Variants in OR5F1 observed in about 807,000 individuals in gnomAD.
OR5F1 encodes the protein olfactory receptor 5F1.
For synonymous variants in OR5F1, 185 were observed against 153.2 expected, an observed-to-expected ratio of 1.21 and a Z score of -1.53; for missense variants, 429 against 369.9, an observed-to-expected ratio of 1.16 and a Z score of -1.31.
rs771273747 is a variant in OR5F1 at position 55,994,208 on chromosome 11, C to G, written c.418G>C (p.Val140Leu). 1 of 1,613,792 alleles carries G rather than the reference C, an allele frequency of 6.2e-7. No individual in the cohort carries two copies. Among genetic ancestry groups the G allele is most frequent in the Non-Finnish European group, 8.5e-7 (1 of 1,179,982 alleles). ...LLYSLIMSRT[V>L]YLKMAAGAFA... ...GCCCCGGCTGCCATTTTTAGGTAGACGGTCCTGGACATGATCAAGGAGTAA... is the reference window on the plus strand; with the variant it reads ...GCCCCGGCTGCCATTTTTAGGTAGAGGGTCCTGGACATGATCAAGGAGTAA... Residue 140 changes from valine to leucine, a missense_variant, in exon 1 of 1, where the codon GTC becomes CTC. Transcript: ENST00000278409.
Position 55,994,122 on chromosome 11 carries a change from G to T in OR5F1, c.504C>A (p.Phe168Leu), listed in dbSNP as rs1208676850. 7 of 1,614,062 alleles carry T rather than the reference G, an allele frequency of 4.3e-6. No homozygotes were observed. Among genetic ancestry groups the T allele is most frequent in the Non-Finnish European group, 5.9e-6 (7 of 1,179,990 alleles). Reference protein sequence around the residue: ...VNTSHVSSLSFCDSNVIHHFF... With the variant: ...VNTSHVSSLSLCDSNVIHHFF... ...AGTGATGGATGACATTGGAGTCACAGAATGACAAGCTGCTGACATGGCTTG... is the reference window on the plus strand; with the variant it reads ...AGTGATGGATGACATTGGAGTCACATAATGACAAGCTGCTGACATGGCTTG... Residue 168 changes from phenylalanine (F) to leucine (L), a missense_variant, in exon 1 of 1, where the codon TTC becomes TTA. By Grantham distance (22) the Phe-to-Leu change is conservative. Transcript: ENST00000278409.
At position 55,993,953 on chromosome 11, in the gene OR5F1, T is replaced by C; in HGVS notation, c.673A>G (p.Ile225Val). 3 of 1,613,404 alleles carry C rather than the reference T, an allele frequency of 1.9e-6. No individual in the cohort carries two copies. The highest frequency in any genetic ancestry group is 2.2e-5 in the South Asian group (2 of 91,056). ...LSSYSYVLFS[I>V]FSMHSGEGRH... ...CCCTCCCCCGAATGCATAGAAAAAA[T>C]GGAGAAGAGAACGTAGGAGTAGGAG... Residue 225 changes from isoleucine (I) to valine (V), a missense_variant, in exon 1 of 1, where the codon ATT (isoleucine) becomes GTT (valine). By Grantham distance (29) the Ile-to-Val change is conservative. Coordinates refer to ENST00000278409, the MANE Select transcript of OR5F1 (RefSeq NM_003697.1).
In OR5F1 at chr11:55,994,275, T is replaced by C. The variant is rs144924365; in HGVS notation, c.351A>G (p.Leu117=). Reference sequence around the variant, plus strand: ...TGGCCGCATACCTGTCATAGGCCATTAACCCAAAGAGGATGCATTCGGTTG... The same window carrying C: ...TGGCCGCATACCTGTCATAGGCCATCAACCCAAAGAGGATGCATTCGGTTG... ...LATTECILFG[L]MAYDRYAAIC... is the part of the protein sequence containing the mutation. Residue 117 remains leucine, a synonymous_variant, in exon 1 of 1, where the codon TTA becomes TTG. Coordinates refer to ENST00000278409, the MANE Select transcript of OR5F1 (RefSeq NM_003697.1). 43 of 1,613,884 alleles carry C rather than the reference T, an allele frequency of 2.7e-5. No individual in the cohort carries two copies. In the African/African-American group the frequency reaches 4.3e-4, roughly 16 times the overall value.
Position 55,994,186 on chromosome 11 carries a change from C to G in OR5F1, c.440G>C (p.Gly147Ala), listed in dbSNP as rs950127511. 1.9e-6 allele frequency: 3 copies of G among 1,613,860 alleles called. No individual in the cohort carries two copies. The highest frequency in any genetic ancestry group is 3.3e-5 in the Admixed American group (2 of 59,960). The part of the protein sequence containing the change: ...SRTVYLKMAA[G>A]AFAAGLLNFM... ...GTTCAGCAACCCTGCAGCAAAAGCC[C>G]CGGCTGCCATTTTTAGGTAGACGGT... The change falls in exon 1 of 1, where the codon GGG becomes GCG. Residue 147 changes from glycine to alanine, a missense_variant. Coordinates refer to ENST00000278409, the MANE Select transcript of OR5F1 (RefSeq NM_003697.1).
At position 55,994,092 on chromosome 11, in the gene OR5F1, G is replaced by A; in HGVS notation, c.534C>T (p.Phe178=). ...FCDSNVIHHF[F]CDSPPLFKLS... ...GCTTGAAAAGTGGGGGACTGTCACAGAAGAAGTGATGGATGACATTGGAGT... is the reference window on the plus strand; with the variant it reads ...GCTTGAAAAGTGGGGGACTGTCACAAAAGAAGTGATGGATGACATTGGAGT... Residue 178 remains phenylalanine (F), a synonymous_variant, in exon 1 of 1, where the codon TTC becomes TTT. Coordinates refer to ENST00000278409, the MANE Select transcript of OR5F1 (RefSeq NM_003697.1). 6.2e-7 allele frequency: 1 copy of A among 1,614,014 alleles called. No homozygotes were observed.
rs756291634 is a variant in OR5F1 at position 55,994,401 on chromosome 11, A to T, written c.225T>A (p.Thr75=). The part of the protein sequence containing the change: ...NLSFVDVCNS[T]TITPKMLADL... ...CTGCCAGCATCTTTGGGGTGATGGT[A>T]GTTGAGTTACAAACGTCCACAAAGG... The change falls in exon 1 of 1, where the codon ACT becomes ACA. Residue 75 remains threonine, a synonymous_variant. Transcript: ENST00000278409. 4.7e-5 allele frequency: 76 copies of T among 1,613,740 alleles called. No individual in the cohort carries two copies. In the Admixed American group the frequency reaches 1.3e-3, roughly 27 times the overall value.
rs762745741 is a variant in OR5F1, at chr11:55,993,863, A to C, written c.763T>G (p.Cys255Gly). Residue 255 changes from cysteine (C) to glycine (G), a missense_variant, in exon 1 of 1, where the codon TGC (cysteine) becomes GGC (glycine). Physicochemically the swap from Cys to Gly is radical, Grantham distance 159 (BLOSUM62 -3). Transcript: ENST00000278409. ...LTAIILFYAT[C>G]IYTYLRPSSS... ...CTAGGTCTCAGGTAAGTATAGATGC[A>C]GGTGGCATAGAACAGAATTATGGCT... The C allele has an allele frequency of 6.2e-7, 1 of 1,613,904 alleles. No individual in the cohort carries two copies.
In OR5F1 at chr11:55,994,103, G is replaced by A. The variant is rs144072291; in HGVS notation, c.523C>T (p.His175Tyr). 42 of 1,613,882 alleles carry A rather than the reference G, an allele frequency of 2.6e-5. No homozygotes were observed. The highest frequency in any genetic ancestry group is 6.7e-5 in the Admixed American group (4 of 59,984). Residue 175 changes from histidine (H) to tyrosine (Y), a missense_variant, in exon 1 of 1, where the codon CAT (histidine) becomes TAT (tyrosine). By Grantham distance (83) the His-to-Tyr change is moderately conservative. Transcript: ENST00000278409. ...SLSFCDSNVI[H>Y]HFFCDSPPLF... ...GGGGGACTGTCACAGAAGAAGTGAT[G>A]GATGACATTGGAGTCACAGAATGAC...
At position 55,994,047 on chromosome 11, in the gene OR5F1, G is replaced by T. The variant is rs1317772323; in HGVS notation, c.579C>A (p.Ile193=). The T allele has an allele frequency of 6.2e-7, 1 of 1,613,934 alleles. No individual in the cohort carries two copies. Among genetic ancestry groups the T allele is most frequent in the East Asian group, 2.2e-5 (1 of 44,870 alleles). The part of the protein sequence containing the change: ...PLFKLSCSDT[I]LKESISSILA... ...AAATAGAACTTATGCTTTCTTTCAGGATTGTGTCAGAACAAGAGAGCTTGA... is the reference window on the plus strand; with the variant it reads ...AAATAGAACTTATGCTTTCTTTCAGTATTGTGTCAGAACAAGAGAGCTTGA... The change falls in exon 1 of 1, where the codon ATC becomes ATA. Residue 193 remains isoleucine, a synonymous_variant. Transcript: ENST00000278409.
chr11:55,993,822 C>T lies in OR5F1; in HGVS notation c.804G>A (p.Leu268=). 3 of 1,613,732 alleles carry T rather than the reference C, an allele frequency of 1.9e-6. No homozygotes were observed. Among genetic ancestry groups the T allele is most frequent in the Non-Finnish European group, 2.5e-6 (3 of 1,179,888 alleles). Residue 268 remains leucine, a synonymous_variant, in exon 1 of 1, where the codon CTG becomes CTA. Coordinates refer to ENST00000278409, the MANE Select transcript of OR5F1 (RefSeq NM_003697.1). ...ACACAGAAGCCACTTTGTCCTGATTCAGGGAGTAGCTGGAACTAGGTCTCA... is the reference window on the plus strand; with the variant it reads ...ACACAGAAGCCACTTTGTCCTGATTTAGGGAGTAGCTGGAACTAGGTCTCA... ...TYLRPSSSYS[L]NQDKVASVFY... is the part of the protein sequence containing the mutation.
Position 55,993,684 on chromosome 11 carries a change from C to T in OR5F1, c.942G>A (p.Leu314=), listed in dbSNP as rs1852985806. The T allele has an allele frequency of 6.6e-7, 1 of 1,520,672 alleles. No homozygotes were observed. The highest frequency in any genetic ancestry group is 8.9e-7 in the Non-Finnish European group (1 of 1,122,644). The allele number at this position is 1,520,672 out of a possible 1,614,324, so 94.2% of individuals were successfully genotyped here. The part of the protein sequence containing the change: ...VISRKRTSSF[L] Reference sequence around the variant, plus strand: ...GTTGAGATTTTTAGCCAAACAATCACAGAAAGGAAGAGGTCCTTTTCCTGC... The same window carrying T: ...GTTGAGATTTTTAGCCAAACAATCATAGAAAGGAAGAGGTCCTTTTCCTGC... Residue 314 remains leucine, a synonymous_variant, in exon 1 of 1, where the codon CTG becomes CTA. Coordinates refer to ENST00000278409, the MANE Select transcript of OR5F1 (RefSeq NM_003697.1).
chr11:55,994,054 T>G lies in OR5F1; in HGVS notation c.572A>C (p.Asp191Ala). Residue 191 changes from aspartate to alanine, a missense_variant, in exon 1 of 1, where the codon GAC becomes GCC. Transcript: ENST00000278409. The stretch of plus-strand genomic sequence containing the variant: ...ACTTATGCTTTCTTTCAGGATTGTG[T>G]CAGAACAAGAGAGCTTGAAAAGTGG... ...SPPLFKLSCS[D>A]TILKESISSI... The G allele has an allele frequency of 6.2e-7, 1 of 1,613,902 alleles. No individual in the cohort carries two copies.
In OR5F1 at chr11:55,994,297, G is replaced by A. The variant is rs765749853; in HGVS notation, c.329C>T (p.Thr110Ile). The A allele has an allele frequency of 3.7e-6, 6 of 1,613,944 alleles. No individual in the cohort carries two copies. The highest frequency in any genetic ancestry group is 1.7e-4 in the Middle Eastern group (1 of 6,060). The change falls in exon 1 of 1, where the codon ACC (threonine) becomes ATC (isoleucine). Residue 110 changes from threonine to isoleucine, a missense_variant. Transcript: ENST00000278409. ...CATTAACCCAAAGAGGATGCATTCG[G>A]TTGTCGCCAGGGAGATAAAGAAGTA... Reference protein sequence around the residue: ...QMYFFISLATTECILFGLMAY... With the variant: ...QMYFFISLATIECILFGLMAY...
Position 55,993,869 on chromosome 11 carries a change from C to T in OR5F1, c.757G>A (p.Ala253Thr), listed in dbSNP as rs770515341. Residue 253 changes from alanine (A) to threonine (T), a missense_variant, in exon 1 of 1, where the codon GCC (alanine) becomes ACC (threonine). Transcript: ENST00000278409. The stretch of plus-strand genomic sequence containing the variant: ...CTCAGGTAAGTATAGATGCAGGTGG[C>T]ATAGAACAGAATTATGGCTGTCAGG... ...SHLTAIILFY[A>T]TCIYTYLRPS... is the part of the protein sequence containing the mutation. The T allele has an allele frequency of 2.3e-4, 371 of 1,613,066 alleles. 1 individual carries two copies. The highest frequency in any genetic ancestry group is 2.7e-4 in the Non-Finnish European group (323 of 1,179,320).
chr11:55,994,172 C>G lies in OR5F1; in HGVS notation c.454G>C (p.Gly152Arg), dbSNP rs1360255369. The change falls in exon 1 of 1, where the codon GGG becomes CGG. Residue 152 changes from glycine to arginine, a missense_variant. Physicochemically the swap from Gly to Arg is moderately radical, Grantham distance 125 (BLOSUM62 -2). Coordinates refer to ENST00000278409, the MANE Select transcript of OR5F1 (RefSeq NM_003697.1). ...LKMAAGAFAA[G>R]LLNFMVNTSH... is the part of the protein sequence containing the mutation. Reference sequence around the variant, plus strand: ...GTGTTGACCATGAAGTTCAGCAACCCTGCAGCAAAAGCCCCGGCTGCCATT... The same window carrying G: ...GTGTTGACCATGAAGTTCAGCAACCGTGCAGCAAAAGCCCCGGCTGCCATT... The G allele has an allele frequency of 1.2e-6, 2 of 1,613,900 alleles. No individual in the cohort carries two copies. The highest frequency in any genetic ancestry group is 2.2e-5 in the East Asian group (1 of 44,850).
rs1590687398 is a variant in OR5F1, at chr11:55,993,704, T to C, written c.922A>G (p.Lys308Glu). The C allele has an allele frequency of 6.3e-7, 1 of 1,579,854 alleles. No individual in the cohort carries two copies. The highest frequency in any genetic ancestry group is 8.6e-7 in the Non-Finnish European group (1 of 1,162,428). Reference protein sequence around the residue: ...KKALANVISRKRTSSFL With the variant: ...KKALANVISRERTSSFL Reference sequence around the variant, plus strand: ...AATCACAGAAAGGAAGAGGTCCTTTTCCTGCTAATTACATTCGCTAAAGCC... The same window carrying C: ...AATCACAGAAAGGAAGAGGTCCTTTCCCTGCTAATTACATTCGCTAAAGCC... Residue 308 changes from lysine to glutamate, a missense_variant, in exon 1 of 1, where the codon AAA becomes GAA. Coordinates refer to ENST00000278409, the MANE Select transcript of OR5F1 (RefSeq NM_003697.1).
Position 55,993,936 on chromosome 11 carries a change from C to A in OR5F1, c.690G>T (p.Ser230=). ...YVLFSIFSMH[S]GEGRHRAFST... Reference sequence around the variant, plus strand: ...AGAAAGCTCTGTGCCTCCCCTCCCCCGAATGCATAGAAAAAATGGAGAAGA... The same window carrying A: ...AGAAAGCTCTGTGCCTCCCCTCCCCAGAATGCATAGAAAAAATGGAGAAGA... Residue 230 remains serine, a synonymous_variant, in exon 1 of 1, where the codon TCG becomes TCT. Transcript: ENST00000278409. 1 of 1,613,786 alleles carries A rather than the reference C, an allele frequency of 6.2e-7. No homozygotes were observed. The highest frequency in any genetic ancestry group is 8.5e-7 in the Non-Finnish European group (1 of 1,179,966).
chr11:55,994,407 G>C lies in OR5F1; in HGVS notation c.219C>G (p.Asn73Lys). The C allele has an allele frequency of 6.2e-7, 1 of 1,613,826 alleles. No individual in the cohort carries two copies. The highest frequency in any genetic ancestry group is 8.5e-7 in the Non-Finnish European group (1 of 1,179,920). ...GCATCTTTGGGGTGATGGTAGTTGAGTTACAAACGTCCACAAAGGACAGGT... is the reference window on the plus strand; with the variant it reads ...GCATCTTTGGGGTGATGGTAGTTGACTTACAAACGTCCACAAAGGACAGGT... Reference protein sequence around the residue: ...LANLSFVDVCNSTTITPKMLA... With the variant: ...LANLSFVDVCKSTTITPKMLA... The change falls in exon 1 of 1, where the codon AAC becomes AAG. Residue 73 changes from asparagine to lysine, a missense_variant. Physicochemically the swap from Asn to Lys is moderately conservative, Grantham distance 94. Coordinates refer to ENST00000278409, the MANE Select transcript of OR5F1 (RefSeq NM_003697.1).
rs200882120 is a variant in OR5F1, at chr11:55,993,856, T to G, written c.770A>C (p.Tyr257Ser). 2 of 1,613,848 alleles carry G rather than the reference T, an allele frequency of 1.2e-6. No homozygotes were observed. The highest frequency in any genetic ancestry group is 4.5e-5 in the East Asian group (2 of 44,850). The change falls in exon 1 of 1, where the codon TAT (tyrosine) becomes TCT (serine). Residue 257 changes from tyrosine (Y) to serine (S), a missense_variant. Coordinates refer to ENST00000278409, the MANE Select transcript of OR5F1 (RefSeq NM_003697.1). ...AIILFYATCI[Y>S]TYLRPSSSYS... ...GCTGGAACTAGGTCTCAGGTAAGTA[T>G]AGATGCAGGTGGCATAGAACAGAAT...
Sources: gnomAD v4.1 joint callset for allele counts on GRCh38, gnomAD v4.1.1 for gene constraint, MANE v1.5 for transcripts, NCBI Gene and HGNC (gene_info 2026-07-23, HGNC 2026-07-21) for gene names.